Variants in TYW1 observed in about 807,000 individuals in gnomAD.
TYW1 encodes tRNA-yW synthesizing protein 1 homolog, also known as S-adenosyl-L-methionine-dependent tRNA 4-demethylwyosine synthase TYW1.
In TYW1, 46 loss-of-function variants were observed where a neutral mutation model predicts 96.2. That is an observed-to-expected ratio of 0.48 (90% CI 0.38 to 0.61). The LOEUF is 0.61. Ranked by LOEUF, TYW1 falls within the 20% of genes least tolerant of loss-of-function variation. The pLI is 0.00. For missense variants in TYW1, 684 were observed against 909.6 expected, an observed-to-expected ratio of 0.75 and a Z score of 3.19; for synonymous variants, 274 against 323.0, an observed-to-expected ratio of 0.85 and a Z score of 1.63.
intron 4 of TYW1, among the ~76,000 whole-genome samples, chr7:67,011,573 A>G (rs534867821): frequency 6.6e-6 from 1 of 152,256 alleles, no homozygotes; most frequent in Admixed American, 6.5e-5. Flanking sequence ...TGACACAGGT[A>G]GAGTTAGAGA....
At chr7:67,096,362 G>A (rs1011136039) in intron 11 of TYW1, among the ~76,000 whole-genome samples, 1 of 152,136 alleles carries the variant, frequency 6.6e-6, no homozygotes, top group Non-Finnish European at 1.5e-5. Flanking sequence ...AATCCAGCCT[G>A]GGTGATGGAG....
chr7:67,029,130 C>G (rs1001595546), intron 7 of TYW1, among the ~76,000 whole-genome samples: 24 of 151,856 alleles, frequency 1.6e-4, no homozygotes, highest in African/African-American at 5.8e-4. Flanking sequence ...TCCCGAGTAG[C>G]TGGGACTACA....
At chr7:67,233,823 G>A (rs1584726517) in intron 15 of TYW1, among the ~76,000 whole-genome samples, 1 of 135,822 alleles carries the variant, frequency 7.4e-6, no homozygotes, top group East Asian at 2.0e-4. Context: ...CCTGAGAGGC[G>A]GCACATGTGG....
At chr7:67,148,261 T>C (rs1281447125) in intron 13 of TYW1, among the ~76,000 whole-genome samples, 4 of 151,980 alleles carry the variant, frequency 2.6e-5, no homozygotes, top group Non-Finnish European at 4.4e-5. Context: ...ATTTCTAGAA[T>C]AATGGTTTCA....
intron 15 of TYW1, among the ~76,000 whole-genome samples, chr7:67,236,740 A>T (rs1214882585): frequency 6.6e-6 from 1 of 152,198 alleles, no homozygotes; most frequent in Non-Finnish European, 1.5e-5. Flanking sequence ...CCCCCTAGAA[A>T]GCTCTTAGCT....
At chr7:67,033,716 G>A (rs1353490576) in intron 7 of TYW1, among the ~76,000 whole-genome samples, 1 of 143,148 alleles carries the variant, frequency 7.0e-6, no homozygotes, top group Non-Finnish European at 1.5e-5. Context: ...TTTTTTTTGA[G>A]ACGGAGTCTC....
chr7:67,087,192 T>G (rs969057279), intron 11 of TYW1, among the ~76,000 whole-genome samples: 2 of 152,168 alleles, frequency 1.3e-5, no homozygotes, highest in African/African-American at 4.8e-5. Flanking sequence ...AGGTAGACTT[T>G]GTTGATTTTA....
intron 6 of TYW1, among the ~76,000 whole-genome samples, chr7:67,018,772 G>A (rs1308661851): frequency 3.3e-5 from 5 of 151,426 alleles, no homozygotes; most frequent in Non-Finnish European, 5.9e-5. Flanking sequence ...TCTGGCCAAC[G>A]TGGCGAAACC....
At chr7:67,003,278 C>T (rs1793465906) in intron 3 of TYW1, among the ~76,000 whole-genome samples, 1 of 152,122 alleles carries the variant, frequency 6.6e-6, no homozygotes, top group Non-Finnish European at 1.5e-5. Context: ...ATTGCTTGGT[C>T]CAAAACACCT....
intron 8 of TYW1, among the ~76,000 whole-genome samples, chr7:67,053,451 C>G (rs560931453): frequency 2.7e-5 from 4 of 149,824 alleles, no homozygotes; most frequent in African/African-American, 9.9e-5. Flanking sequence ...GTGATCTTGG[C>G]TCACCACATC....
intron 12 of TYW1, among the ~76,000 whole-genome samples, chr7:67,109,227 T>C (rs1199527632): frequency 5.0e-4 from 64 of 128,700 alleles, no homozygotes; most frequent in Admixed American, 4.1e-4. Flanking sequence ...TGAGCCGAGA[T>C]AGTGCCACTG....
Position 67,180,187 on chromosome 7 carries a change from C to G in TYW1, c.1699-2939C>G, listed in dbSNP as rs1799791175. On this transcript the variant is annotated intron_variant, in intron 13 of 15. Coordinates refer to ENST00000359626, the MANE Select transcript of TYW1 (RefSeq NM_018264.4). ...TGCTTTCTCTTGAATTTTGAAATTG[C>G]TGATTGCTGGCATATAATAGCTAAT... Among the ~76,000 whole-genome samples the G allele has an allele frequency of 2.3e-5, 3 of 131,182 alleles. 1 individual carries two copies. The highest frequency in any genetic ancestry group is 4.8e-5 in the Non-Finnish European group (3 of 62,208). The allele number at this position is 131,182 out of a possible 152,430, so 86.1% of individuals were successfully genotyped here.
At chr7:67,133,204 A>G (rs1798137722) in intron 13 of TYW1, among the ~76,000 whole-genome samples, 1 of 152,116 alleles carries the variant, frequency 6.6e-6, no homozygotes, top group Non-Finnish European at 1.5e-5. Flanking sequence ...TGGTGCCATC[A>G]TGGCTCACTG....
intron 12 of TYW1, among the ~76,000 whole-genome samples, chr7:67,116,653 C>T (rs1490972309): frequency 3.3e-5 from 5 of 151,974 alleles, no homozygotes; most frequent in Non-Finnish European, 7.4e-5. Flanking sequence ...TGTGCCACTG[C>T]ACTCCAGCCT....
chr7:67,146,309 T>C (rs970637688), intron 13 of TYW1, among the ~76,000 whole-genome samples: 4 of 152,126 alleles, frequency 2.6e-5, no homozygotes, highest in African/African-American at 9.7e-5. Flanking sequence ...ACATTTAATA[T>C]ACTAGACCAT....
intron 13 of TYW1, among the ~76,000 whole-genome samples, chr7:67,148,980 TAAC>T (rs1798703146): frequency 6.6e-6 from 1 of 152,166 alleles, no homozygotes; most frequent in African/African-American, 2.4e-5. Flanking sequence ...CACAAACAGA[TAAC>T]AAAGAAGTCA....
rs541305998 is a variant in TYW1 at position 67,003,606 on chromosome 7, A to G, written c.273+4652A>G. On this transcript the variant is annotated intron_variant, in intron 3 of 15. Coordinates refer to ENST00000359626, the MANE Select transcript of TYW1 (RefSeq NM_018264.4). ...TTTGAAATAATTATTCTTGCCTACA[A>G]AGGTTAATAACAAAGGTGACACAAT... Among the ~76,000 whole-genome samples the G allele has an allele frequency of 1.2e-3, 190 of 152,086 alleles. 2 individuals are homozygous for G. Among genetic ancestry groups the G allele is most frequent in the Middle Eastern group, 0.01 (3 of 294 alleles).
intron 12 of TYW1, among the ~76,000 whole-genome samples, chr7:67,099,937 G>A (rs1231801544): frequency 6.6e-6 from 1 of 152,120 alleles, no homozygotes; most frequent in Non-Finnish European, 1.5e-5. Flanking sequence ...GGGAGGCGGA[G>A]GTTTCAGTGA....
chr7:67,071,533 A>G (rs1212926057), intron 10 of TYW1, among the ~76,000 whole-genome samples: 1 of 151,584 alleles, frequency 6.6e-6, no homozygotes. Flanking sequence ...GCCCACTGCA[A>G]CCTCCACTTC....
Sources: allele counts gnomAD v4.1 joint callset (sites outside exome capture counted in the v4.1 genomes callset), GRCh38; gene constraint gnomAD v4.1.1; transcripts MANE v1.5; gene names NCBI Gene and HGNC (gene_info 2026-07-23, HGNC 2026-07-21).